Variants in ASIC2 observed in about 807,000 individuals in gnomAD.
ASIC2 encodes acid-sensing ion channel 2.
A neutral mutation model predicts 57.3 loss-of-function variants in ASIC2; 25 were observed. That is an observed-to-expected ratio of 0.44 (90% CI 0.32 to 0.61). The LOEUF (loss-of-function observed/expected upper bound fraction) is 0.61, where lower values mean the gene tolerates loss of function less well. Among genes scored for constraint, ASIC2 ranks in the 20% least tolerant of loss-of-function variants. ASIC2 has a pLI of 0.06. For synonymous variants in ASIC2, 319 were observed against 307.5 expected, an observed-to-expected ratio of 1.04 and a Z score of -0.39; for missense variants, 641 against 738.1, an observed-to-expected ratio of 0.87 and a Z score of 1.52.
chr17:33,288,187 G>C (rs892855237), intron 1 of ASIC2, among the ~76,000 whole-genome samples: 7 of 152,082 alleles, frequency 4.6e-5, no homozygotes, highest in African/African-American at 1.7e-4. Flanking sequence ...ATCTAAACAG[G>C]GTGGAAGAGG....
At chr17:34,012,173 C>T (rs776789967) in intron 1 of ASIC2, among the ~76,000 whole-genome samples, 7 of 152,154 alleles carry the variant, frequency 4.6e-5, no homozygotes, top group Admixed American at 6.5e-5. Flanking sequence ...CAAGCGGTCA[C>T]GGAAACCTGA....
At chr17:33,732,844 G>A (rs1251706467) in intron 1 of ASIC2, among the ~76,000 whole-genome samples, 1 of 152,098 alleles carries the variant, frequency 6.6e-6, no homozygotes, top group Non-Finnish European at 1.5e-5. Context: ...CACCATGTTG[G>A]CCAGGCTGGC....
intron 1 of ASIC2, among the ~76,000 whole-genome samples, chr17:33,226,048 G>T (rs1907868522): frequency 6.6e-6 from 1 of 152,128 alleles, no homozygotes; most frequent in South Asian, 2.1e-4. Context: ...TGAGGCACTT[G>T]TGGTCTACTA....
chr17:33,380,634 T>C (rs1327627448), intron 1 of ASIC2, among the ~76,000 whole-genome samples: 1 of 152,228 alleles, frequency 6.6e-6, no homozygotes, highest in African/African-American at 2.4e-5. Flanking sequence ...TTTTCAGTGG[T>C]TGATCCCTCT....
At chr17:34,000,250 A>ATTTTTTTT (rs199804905) in intron 1 of ASIC2, among the ~76,000 whole-genome samples, 16 of 119,184 alleles carry the variant, frequency 1.3e-4, no homozygotes, top group African/African-American at 3.9e-4. Context: ...GTGGAGATCT[A>ATTTTTTTT]TTTTTTTTTT....
intron 1 of ASIC2, among the ~76,000 whole-genome samples, chr17:34,041,860 C>A (rs1728074148): frequency 6.6e-6 from 1 of 152,208 alleles, no homozygotes; most frequent in African/African-American, 2.4e-5. Flanking sequence ...TCCCTCTGAT[C>A]CATCCTGTGG....
chr17:33,502,149 C>A (rs1320736282), intron 1 of ASIC2, among the ~76,000 whole-genome samples: 1 of 152,042 alleles, frequency 6.6e-6, no homozygotes, highest in Non-Finnish European at 1.5e-5. Context: ...CAAGGTAGGG[C>A]TATGACTTCA....
At chr17:33,094,094 C>T (rs1324905387) in intron 2 of ASIC2, among the ~76,000 whole-genome samples, 6 of 152,138 alleles carry the variant, frequency 3.9e-5, no homozygotes, top group African/African-American at 1.4e-4. Context: ...CTGTTTGCAC[C>T]CCCTTCCCAG....
At chr17:33,895,973 GC>G (rs1915085272) in intron 1 of ASIC2, among the ~76,000 whole-genome samples, 1 of 151,942 alleles carries the variant, frequency 6.6e-6, no homozygotes, top group African/African-American at 2.4e-5. Flanking sequence ...AACAGCAGCT[GC>G]CCTGTCAGGG....
At position 33,589,060 on chromosome 17, in the gene ASIC2, C is replaced by A. The variant is rs149508398; in HGVS notation, c.556-476993G>T. Among the ~76,000 whole-genome samples, 369 of 152,332 alleles carry A rather than the reference C, an allele frequency of 2.4e-3. 8 individuals carry two copies. Among genetic ancestry groups the A allele is most frequent in the Non-Finnish European group, 5.4e-4 (37 of 68,042 alleles). On this transcript the variant is annotated intron_variant, in intron 1 of 9. Transcript: ENST00000359872. ...ATTACTTAAATAAACATATACTATA[C>A]ATTTTAAGCATGCCACGTATATCAG...
intron 1 of ASIC2, among the ~76,000 whole-genome samples, chr17:33,559,097 T>C (rs1423567997): frequency 3.3e-5 from 5 of 152,152 alleles, no homozygotes; most frequent in South Asian, 2.1e-4. Flanking sequence ...TTCTGATGTC[T>C]TAACTGGATC....
chr17:33,721,295 C>A (rs922602122), intron 1 of ASIC2, among the ~76,000 whole-genome samples: 1 of 152,160 alleles, frequency 6.6e-6, no homozygotes, highest in African/African-American at 2.4e-5. Context: ...TCATTCATTG[C>A]GCTCACCAGG....
intron 1 of ASIC2, among the ~76,000 whole-genome samples, chr17:33,158,937 A>C (rs1476439201): frequency 6.6e-6 from 1 of 152,202 alleles, no homozygotes; most frequent in Admixed American, 6.5e-5. Context: ...GAAGACTTTA[A>C]TTTGGCATTC....
chr17:33,639,651 C>G (rs1906489036), intron 1 of ASIC2, among the ~76,000 whole-genome samples: 2 of 151,574 alleles, frequency 1.3e-5, no homozygotes, highest in African/African-American at 4.9e-5. Context: ...CAAAGGGGGA[C>G]CCATTTTCAG....
At position 33,292,571 on chromosome 17, in the gene ASIC2, A is replaced by C; in HGVS notation, c.-456T>G. 1 of 985,574 alleles carries C rather than the reference A, an allele frequency of 1.0e-6. No homozygotes were observed. Among genetic ancestry groups the C allele is most frequent in the Non-Finnish European group, 1.2e-6 (1 of 830,240 alleles). 61.1% of individuals were successfully genotyped at this position (985,574 alleles called of 1,614,324 possible). On this transcript the variant is annotated 5_prime_UTR_variant, in exon 1 of 10. Transcript: ENST00000225823. ...TTACGCTGGTCCTGGGAGAAGGGCC[A>C]CTCGGCCACCATGCCTGATCTGGAC...
At chr17:34,058,752 G>C (rs190590406) in intron 1 of ASIC2, among the ~76,000 whole-genome samples, 2 of 152,312 alleles carry the variant, frequency 1.3e-5, no homozygotes, top group African/African-American at 4.8e-5. Context: ...GAGGGGAGGA[G>C]AGCAGAGCTA....
intron 1 of ASIC2, among the ~76,000 whole-genome samples, chr17:34,012,389 C>T (rs1906801981): frequency 6.6e-6 from 1 of 152,214 alleles, no homozygotes. Flanking sequence ...GAAACATATG[C>T]AATACCACGG....
At chr17:34,087,579 G>A (rs1378181600) in intron 1 of ASIC2, among the ~76,000 whole-genome samples, 3 of 152,168 alleles carry the variant, frequency 2.0e-5, no homozygotes, top group Non-Finnish European at 4.4e-5. Flanking sequence ...GAATCTGAAT[G>A]TTGGCCTGCC....
chr17:33,207,012 T>C lies in ASIC2; in HGVS notation c.708+84396A>G, dbSNP rs560898215. ...TTCTGAGGCTTTGTTTCCTCATCTG[T>C]CAATTGTGTTTAATAATTCCCGCCC... On this transcript the variant is annotated intron_variant, in intron 1 of 9. Transcript: ENST00000225823. Among the ~76,000 whole-genome samples, 9 of 152,236 alleles carry C rather than the reference T, an allele frequency of 5.9e-5. No homozygotes were observed. The East Asian group carries it at 1.5e-3, about 26-fold the overall frequency.
Sources: allele counts gnomAD v4.1 joint callset (sites outside exome capture counted in the v4.1 genomes callset), GRCh38; gene constraint gnomAD v4.1.1; transcripts MANE v1.5; gene names NCBI Gene and HGNC (gene_info 2026-07-23, HGNC 2026-07-21).